The following RBM4 variants were observed in gnomAD, a reference collection of about 807,000 sequenced individuals.
RBM4 encodes the protein RNA-binding protein 4.
RBM4 carries 7 observed loss-of-function variants against 29.5 expected under a neutral mutation model. The ratio of observed to expected loss-of-function variants is 0.24; its 90% CI spans 0.14 to 0.45. RBM4 has a LOEUF of 0.45. RBM4 is among the 20% of genes least tolerant of loss of function. RBM4 has a pLI of 1.00. For synonymous variants in RBM4, 220 were observed against 205.4 expected (o/e 1.07, Z -0.61); for missense variants, 387 against 502.3 (o/e 0.77, Z 2.19).
chr11:66,660,584 C>T (rs1939057108), intron 2 of RBM4, among the ~76,000 whole-genome samples: 1 of 151,574 alleles, frequency 6.6e-6, no homozygotes, highest in Middle Eastern at 3.2e-3. Context: ...TCAGGTGATC[C>T]TTCTACCTCG....
At chr11:66,666,012 A>T (rs962228832) in exon 3 of RBM4, 5 of 1,422,686 alleles carry the variant, frequency 3.5e-6, no homozygotes, top group African/African-American at 2.8e-5. Context: ...GTTTTGTTTT[A>T]ATCTTTCACA....
At chr11:66,668,298 C>T (rs1939321080) in exon 3 of RBM4, 1 of 257,550 alleles carries the variant, frequency 3.9e-6, no homozygotes, top group Admixed American at 4.8e-5. Context: ...ACAGAGGGCA[C>T]ATAACAAATG....
At chr11:66,666,079 GT>G in exon 3 of RBM4, 1 of 974,754 alleles carries the variant, frequency 1.0e-6, no homozygotes, top group Non-Finnish European at 1.5e-6. Context: ...GGAGCAGCCA[GT>G]CATTCACCCA....
chr11:66,651,549 C>T (rs925769291), intron 2 of RBM4, among the ~76,000 whole-genome samples: 4 of 152,024 alleles, frequency 2.6e-5, no homozygotes, highest in Non-Finnish European at 4.4e-5. Context: ...AGGGTTTCAC[C>T]GTGTTAGCCA....
In RBM4 at chr11:66,643,761, T is replaced by C. The variant is rs758653411; in HGVS notation, c.724T>C (p.Tyr242His). 6.2e-7 allele frequency: 1 copy of C among 1,614,032 alleles called. No individual in the cohort carries two copies. The highest frequency in any genetic ancestry group is 8.5e-7 in the Non-Finnish European group (1 of 1,179,994). The change falls in exon 3 of 4, where the codon TAT becomes CAT. Residue 242 changes from tyrosine (Y) to histidine (H), a missense_variant. Transcript: ENST00000310092. The surrounding 1 kb of genome is among the most constrained non-coding windows in gnomAD (Gnocchi z 6.1). ...AGTGGCAGCTGCAGCTGCCTCCGTG[T>C]ATAATTACGCAGAGCAGACCCTGTC... ...EAVAAAAASV[Y>H]NYAEQTLSQL...
At chr11:66,646,989 A>T (rs1215908148), downstream of RBM4, among the ~76,000 whole-genome samples, 1 of 152,360 alleles carries the variant, frequency 6.6e-6, no homozygotes, top group South Asian at 2.1e-4. Context: ...GAATGCCTGA[A>T]TGGTCCCACT....
chr11:66,640,223 G>A, intron 2 of RBM4, 100 bp downstream of exon 2: 6 of 1,486,458 alleles, frequency 4.0e-6, no homozygotes, highest in Non-Finnish European at 5.6e-6. Context: ...ACAGCTGTTG[G>A]CTGGCTGGTG....
At chr11:66,659,672 C>T (rs1300163698) in intron 2 of RBM4, among the ~76,000 whole-genome samples, 1 of 152,084 alleles carries the variant, frequency 6.6e-6, no homozygotes, top group East Asian at 1.9e-4. Context: ...CTTCCTTATC[C>T]CATTCTCTCT....
chr11:66,662,615 C>G (rs539701338), intron 2 of RBM4, among the ~76,000 whole-genome samples: 28 of 152,222 alleles, frequency 1.8e-4, no homozygotes, highest in Admixed American at 1.6e-3. Flanking sequence ...GTTGCCCAGG[C>G]TGGTCTCAAA....
rs757010524 is a variant in RBM4, at chr11:66,643,539, G to C, written c.502G>C (p.Glu168Gln). Residue 168 changes from glutamate to glutamine, a missense_variant, in exon 3 of 4, where the codon GAG becomes CAG. Glu to Gln is a conservative substitution (Grantham distance 29). This residue lies in a region of RBM4 where 281 missense variants were observed against 288.7 expected (regional missense o/e 0.97). Transcript: ENST00000310092. The surrounding 1 kb of genome is among the most constrained non-coding windows in gnomAD (Gnocchi z 6.1). ...GAGCGGCTGCTATCGGTGCGGGAAA[G>C]AGGGGCACTGGTCCAAAGAGTGTCC... is the stretch of plus-strand genomic sequence containing the variant. ...DQSGCYRCGK[E>Q]GHWSKECPID... The C allele has an allele frequency of 6.2e-7, 1 of 1,614,218 alleles. No individual in the cohort carries two copies. Among genetic ancestry groups the C allele is most frequent in the Non-Finnish European group, 8.5e-7 (1 of 1,180,038 alleles).
chr11:66,645,440 CTGAT>C (rs1389086370), intron 3 of RBM4, among the ~76,000 whole-genome samples: 1 of 152,142 alleles, frequency 6.6e-6, no homozygotes, highest in Non-Finnish European at 1.5e-5. Context: ...TAGGCAGTCA[CTGAT>C]TGGGCTGGAA....
chr11:66,649,032 C>CA (rs1938768657), downstream of RBM4, among the ~76,000 whole-genome samples: 1 of 151,352 alleles, frequency 6.6e-6, no homozygotes, highest in African/African-American at 2.4e-5. Flanking sequence ...TTTTTTGAGA[C>CA]AGAGTCTCTC....
chr11:66,651,843 T>A (rs1938838999), intron 2 of RBM4, among the ~76,000 whole-genome samples: 1 of 152,156 alleles, frequency 6.6e-6, no homozygotes, highest in Non-Finnish European at 1.5e-5. Context: ...CTCTGGAGTT[T>A]CTTTTATATA....
intron 3 of RBM4, among the ~76,000 whole-genome samples, chr11:66,645,640 AT>A (rs71045955): frequency 3.7e-4 from 55 of 148,214 alleles, no homozygotes; most frequent in South Asian, 1.1e-3. Flanking sequence ...AATACTGTTA[AT>A]TTTTTTTTTT....
At chr11:66,658,376 A>G (rs1433033785) in intron 2 of RBM4, among the ~76,000 whole-genome samples, 1 of 97,654 alleles carries the variant, frequency 1.0e-5, no homozygotes, top group Non-Finnish European at 2.1e-5. Flanking sequence ...TTTGTTTTAA[A>G]TGGGCAACTA....
chr11:66,649,385 C>G (rs565416863), downstream of RBM4, among the ~76,000 whole-genome samples: 225 of 152,182 alleles, frequency 1.5e-3, no homozygotes, highest in Non-Finnish European at 2.4e-3. Context: ...ATTTCTAAGA[C>G]AATTTTAAAG....
chr11:66,646,254 A>G lies in RBM4; in HGVS notation c.*236A>G, dbSNP rs535209798. Reference sequence around the variant, plus strand: ...TCAATACTTCTGTAGCTTCCCATTCATGTTCTCTTCTCCCAGCAGGCCTCA... The same window carrying G: ...TCAATACTTCTGTAGCTTCCCATTCGTGTTCTCTTCTCCCAGCAGGCCTCA... On this transcript the variant is annotated 3_prime_UTR_variant, in exon 4 of 4. Transcript: ENST00000310092. 13 of 1,407,840 alleles carry G rather than the reference A, an allele frequency of 9.2e-6. No homozygotes were observed. In the Admixed American group the frequency reaches 1.6e-4, roughly 18 times the overall value. The allele number at this position is 1,407,840 out of a possible 1,614,324, so 87.2% of individuals were successfully genotyped here.
chr11:66,665,521 G>T, intron 2 of RBM4: 2 of 1,363,568 alleles, frequency 1.5e-6, no homozygotes, highest in Admixed American at 2.0e-5. Flanking sequence ...AGGGGACCGC[G>T]CGGAGCAAGT....
chr11:66,649,785 C>G (rs766957497), downstream of RBM4: 3 of 701,392 alleles, frequency 4.3e-6, no homozygotes, highest in Non-Finnish European at 5.2e-6. Flanking sequence ...GATTGTAGCT[C>G]ACTGTAACTT....
Sources: allele counts gnomAD v4.1 joint callset (sites outside exome capture counted in the v4.1 genomes callset), GRCh38; gene constraint gnomAD v4.1.1; regional missense constraint gnomAD v4.1.1; non-coding constraint Gnocchi (gnomAD v3.1); transcripts MANE v1.5; gene names NCBI Gene and HGNC (gene_info 2026-07-23, HGNC 2026-07-21).